The following DCDC1 variants were observed in gnomAD, a reference collection of about 807,000 sequenced individuals.
DCDC1 encodes the protein doublecortin domain-containing protein 1.
Under a neutral mutation model 178.3 loss-of-function variants are expected in DCDC1, and 200 were observed. The observed-to-expected ratio is 1.12, with a 90% confidence interval of 1.00 to 1.26. DCDC1 has a LOEUF of 1.26. Ranked by LOEUF, DCDC1 falls within the 50% of genes most tolerant of loss-of-function variation. DCDC1 has a pLI of 0.00. For synonymous variants in DCDC1, 690 were observed against 604.8 expected (o/e 1.14, Z -2.07); for missense variants, 1,983 against 1,749.2 (o/e 1.13, Z -2.38).
intron 20 of DCDC1, among the ~76,000 whole-genome samples, chr11:30,994,976 G>T (rs1250059308): frequency 6.6e-6 from 1 of 150,988 alleles, no homozygotes; most frequent in Admixed American, 6.6e-5. Context: ...AGGCTGGGAA[G>T]AAAGAAATAT....
chr11:30,952,853 T>C (rs1333453429), intron 20 of DCDC1, among the ~76,000 whole-genome samples: 2 of 152,110 alleles, frequency 1.3e-5, no homozygotes, highest in African/African-American at 4.8e-5. Context: ...CCTTTTATAA[T>C]AACAATGACA....
In DCDC1 at chr11:31,106,997, G is replaced by T. The variant is rs766995591; in HGVS notation, c.1588-37C>A. Reference sequence around the variant, plus strand: ...TTAGAGGGGCAGAGGGGATAGAGGAGAATAAATAACCTAAAATGGGAACAT... The same window carrying T: ...TTAGAGGGGCAGAGGGGATAGAGGATAATAAATAACCTAAAATGGGAACAT... On this transcript the variant is annotated intron_variant, in intron 12 of 38. Transcript: ENST00000684477. The T allele has an allele frequency of 2.1e-5, 15 of 724,398 alleles. No individual in the cohort carries two copies. In the Admixed American group the frequency reaches 3.1e-4, roughly 15 times the overall value. 44.9% of individuals were successfully genotyped at this position (724,398 alleles called of 1,614,324 possible).
At chr11:31,297,367 T>A (rs1216762994) in intron 6 of DCDC1, among the ~76,000 whole-genome samples, 2 of 151,644 alleles carry the variant, frequency 1.3e-5, no homozygotes, top group Non-Finnish European at 2.9e-5. Flanking sequence ...ATTTTTTTTT[T>A]AATTTTTTTT....
chr11:30,997,635 A>G (rs1951342295), intron 20 of DCDC1, among the ~76,000 whole-genome samples: 1 of 152,220 alleles, frequency 6.6e-6, no homozygotes, highest in Non-Finnish European at 1.5e-5. Flanking sequence ...TTATACTAAA[A>G]TTGAACAAAA....
chr11:30,970,087 T>A (rs2134671472), intron 20 of DCDC1, among the ~76,000 whole-genome samples: 1 of 152,280 alleles, frequency 6.6e-6, no homozygotes, highest in African/African-American at 2.4e-5. Context: ...AGAATGGGAA[T>A]CTGGAGAGGA....
chr11:31,006,249 T>C (rs2135074100), intron 20 of DCDC1, among the ~76,000 whole-genome samples: 1 of 152,304 alleles, frequency 6.6e-6, no homozygotes, highest in Admixed American at 6.5e-5. Flanking sequence ...AGTTGGGTCC[T>C]TTTACAGTCC....
intron 20 of DCDC1, among the ~76,000 whole-genome samples, chr11:31,048,814 G>A (rs1414095880): frequency 1.3e-5 from 2 of 152,004 alleles, no homozygotes; most frequent in Non-Finnish European, 2.9e-5. Context: ...CTGAGATTGC[G>A]CCACTGCACT....
intron 20 of DCDC1, among the ~76,000 whole-genome samples, chr11:31,016,352 A>G (rs1433657392): frequency 6.6e-6 from 1 of 152,184 alleles, no homozygotes; most frequent in Non-Finnish European, 1.5e-5. Flanking sequence ...TAAGGCTGCC[A>G]TGAAATGTTT....
chr11:30,890,004 G>T (rs1156715235), intron 36 of DCDC1, among the ~76,000 whole-genome samples: 2 of 152,174 alleles, frequency 1.3e-5, no homozygotes, highest in Admixed American at 1.3e-4. Context: ...AGAAAAAGAA[G>T]AGACGCCAGG....
In DCDC1 at chr11:31,263,146, A is replaced by G. The variant is rs186244171; in HGVS notation, c.1054+2361T>C. 794 of 1,487,612 alleles carry G rather than the reference A, an allele frequency of 5.3e-4. 3 individuals are homozygous for G. In the African/African-American group the frequency reaches 7.0e-3, roughly 13 times the overall value. 92.2% of individuals were successfully genotyped at this position (1,487,612 alleles called of 1,614,324 possible). ...TAAACTTTCTAAATATAAATCTTTC[A>G]TCTTAACGAAGATCCCTTATAGTTT... On this transcript the variant is annotated intron_variant, in intron 8 of 38. Transcript: ENST00000684477.
intron 36 of DCDC1, among the ~76,000 whole-genome samples, chr11:30,891,662 A>T (rs1231519745): frequency 2.6e-5 from 4 of 152,206 alleles, no homozygotes; most frequent in Non-Finnish European, 5.9e-5. Flanking sequence ...TCTCTTCTGA[A>T]AAAGCTTTCA....
At chr11:31,158,653 A>G (rs937662124) in intron 9 of DCDC1, among the ~76,000 whole-genome samples, 1 of 152,180 alleles carries the variant, frequency 6.6e-6, no homozygotes, top group East Asian at 1.9e-4. Flanking sequence ...GACAAATTGG[A>G]GAAGAAGAAC....
chr11:30,979,978 T>G (rs1358818069), intron 20 of DCDC1, among the ~76,000 whole-genome samples: 1 of 152,230 alleles, frequency 6.6e-6, no homozygotes, highest in African/African-American at 2.4e-5. Context: ...TATTTTCCTC[T>G]AACACTGTAC....
chr11:30,931,548 C>T (rs1482506178), intron 22 of DCDC1, among the ~76,000 whole-genome samples: 3 of 152,076 alleles, frequency 2.0e-5, no homozygotes, highest in African/African-American at 7.2e-5. Flanking sequence ...ATCAGAGCTA[C>T]TCATTTCTAA....
At chr11:31,095,138 T>C (rs1958068284) in intron 15 of DCDC1, among the ~76,000 whole-genome samples, 1 of 152,202 alleles carries the variant, frequency 6.6e-6, no homozygotes, top group African/African-American at 2.4e-5. Context: ...TATGGTTGCA[T>C]AGTATTCCAT....
intron 37 of DCDC1, among the ~76,000 whole-genome samples, chr11:30,880,204 G>T (rs1423084760): frequency 6.6e-6 from 1 of 152,082 alleles, no homozygotes; most frequent in African/African-American, 2.4e-5. Context: ...AGGGTGAAGG[G>T]TAGTGATGGG....
chr11:30,916,105 T>G (rs1008632434), intron 26 of DCDC1, among the ~76,000 whole-genome samples: 1 of 152,228 alleles, frequency 6.6e-6, no homozygotes, highest in Non-Finnish European at 1.5e-5. Flanking sequence ...AAACTATGAT[T>G]GTTTCTTTCC....
intron 22 of DCDC1, among the ~76,000 whole-genome samples, chr11:30,930,074 A>G (rs1054490799): frequency 6.6e-6 from 1 of 152,146 alleles, no homozygotes; most frequent in African/African-American, 2.4e-5. Flanking sequence ...TTTTGCTTGT[A>G]GAGACACTAA....
In DCDC1 at chr11:31,286,287, C is replaced by T. The variant is rs181933441; in HGVS notation, c.960+4360G>A. ...CCACACTTTGAAAAAAACTGTGGTC[C>T]TTTTGCCTACAGTAAGTATATGACG... is the stretch of plus-strand genomic sequence containing the variant. On this transcript the variant is annotated intron_variant, in intron 7 of 38. Coordinates refer to ENST00000684477, the MANE Select transcript of DCDC1 (RefSeq NM_001387274.1). 5.6e-3 allele frequency among the ~76,000 whole-genome samples: 858 copies of T among 152,110 alleles called. 4 individuals are homozygous for T. Among genetic ancestry groups the T allele is most frequent in the Middle Eastern group, 0.01 (3 of 294 alleles).
Sources: gnomAD v4.1 joint callset for allele counts (sites outside exome capture counted in the v4.1 genomes callset) on GRCh38, gnomAD v4.1.1 for gene constraint, MANE v1.5 for transcripts, NCBI Gene and HGNC (gene_info 2026-07-23, HGNC 2026-07-21) for gene names.